The following ITPK1 variants were observed in gnomAD, a reference collection of about 807,000 sequenced individuals.
ITPK1 encodes the protein inositol-tetrakisphosphate 1-kinase.
ITPK1 carries 21 observed loss-of-function variants against 45.3 expected under a neutral mutation model. That is an observed-to-expected ratio of 0.46 (90% CI 0.33 to 0.67). The LOEUF is 0.67. Among genes scored for constraint, ITPK1 ranks in the 30% least tolerant of loss-of-function variants. The pLI is 0.02. For synonymous variants in ITPK1, 258 were observed against 253.6 expected (o/e 1.02, Z -0.16); for missense variants, 474 against 573.5 (o/e 0.83, Z 1.77).
chr14:93,099,231 C>A lies in ITPK1; in HGVS notation c.95+15838G>T, dbSNP rs571829879. On this transcript the variant is annotated intron_variant, in intron 2 of 10. Transcript: ENST00000267615. ...CTGGACAGGAGTGGCCCTCCCCAGA[C>A]CAACACTCCCCTCCAGCTCCGACAA... Among the ~76,000 whole-genome samples, 3 of 152,202 alleles carry A rather than the reference C, an allele frequency of 2.0e-5. No homozygotes were observed. In the East Asian group the frequency reaches 5.8e-4, roughly 29 times the overall value.
intron 3 of ITPK1, among the ~76,000 whole-genome samples, chr14:93,033,989 G>T (rs956909736): frequency 1.3e-5 from 2 of 152,130 alleles, no homozygotes; most frequent in African/African-American, 4.8e-5. Flanking sequence ...TCTGGTGAGG[G>T]GCAGGGGTGA....
At chr14:93,066,335 T>C in intron 3 of ITPK1, 1 of 448,050 alleles carries the variant, frequency 2.2e-6, no homozygotes, top group South Asian at 1.6e-5. Context: ...TGTGTGTGTG[T>C]GTGTGTAGGG....
At chr14:93,113,717 A>ATT (rs1892834398) in intron 2 of ITPK1, among the ~76,000 whole-genome samples, 1 of 152,172 alleles carries the variant, frequency 6.6e-6, no homozygotes, top group African/African-American at 2.4e-5. Context: ...TTCTTCATGA[A>ATT]TTGCTGGGGC....
chr14:93,035,470 C>G (rs1410225670), intron 3 of ITPK1, among the ~76,000 whole-genome samples: 1 of 152,204 alleles, frequency 6.6e-6, no homozygotes, highest in Non-Finnish European at 1.5e-5. Flanking sequence ...TGCACATGTA[C>G]ACCAGAGAGC....
intron 4 of ITPK1, among the ~76,000 whole-genome samples, chr14:92,996,822 G>C (rs1441924684): frequency 6.6e-6 from 1 of 152,136 alleles, no homozygotes; most frequent in Non-Finnish European, 1.5e-5. Flanking sequence ...ATGTGACCTA[G>C]AGTCAAGAAA....
intron 3 of ITPK1, among the ~76,000 whole-genome samples, chr14:93,051,762 A>C (rs1052394111): frequency 2.0e-5 from 3 of 152,166 alleles, no homozygotes; most frequent in African/African-American, 7.2e-5. Flanking sequence ...ACCGGAAACC[A>C]CCCTGTGCCT....
At position 92,940,156 on chromosome 14, in the gene ITPK1, G is replaced by A. The variant is rs1802919; in HGVS notation, c.*1405C>T. 2.0e-6 allele frequency: 2 copies of A among 985,716 alleles called. No individual in the cohort carries two copies. The highest frequency in any genetic ancestry group is 2.4e-6 in the Non-Finnish European group (2 of 830,070). 61.1% of individuals were successfully genotyped at this position (985,716 alleles called of 1,614,324 possible). A position where few individuals can be genotyped will look rare whatever the true frequency, so the allele number is the denominator to read the frequency against. ...GAAGGACCTCCATGCACTGGCTCGG[G>A]GGCCTCTCTCGGGACACTCAGCACT... On this transcript the variant is annotated 3_prime_UTR_variant, in exon 11 of 11. Coordinates refer to ENST00000267615, the MANE Select transcript of ITPK1 (RefSeq NM_014216.6).
chr14:93,115,455 G>A (rs1431043669), intron 1 of ITPK1, 150 bp from the exon 2 acceptor site: 2 of 149,018 alleles, frequency 1.3e-5, no homozygotes, highest in Non-Finnish European at 1.5e-5. Flanking sequence ...CGGCTCGCGA[G>A]CGCCGCGCCG....
intron 8 of ITPK1, among the ~76,000 whole-genome samples, chr14:92,953,366 G>A (rs1888050601): frequency 6.6e-6 from 1 of 152,236 alleles, no homozygotes; most frequent in African/African-American, 2.4e-5. Context: ...GTCCTGGGGA[G>A]GAGCCTGGGG....
At chr14:93,033,791 G>A (rs1004105301) in intron 3 of ITPK1, among the ~76,000 whole-genome samples, 12 of 152,212 alleles carry the variant, frequency 7.9e-5, no homozygotes, top group South Asian at 2.1e-4. Context: ...GTGAATGTGC[G>A]TGCCTGTGCA....
intron 3 of ITPK1, among the ~76,000 whole-genome samples, chr14:93,027,172 G>C (rs1447676474): frequency 6.6e-6 from 1 of 152,190 alleles, no homozygotes; most frequent in African/African-American, 2.4e-5. Flanking sequence ...ACAGGGGAGA[G>C]GACCAGGGGG....
intron 8 of ITPK1, among the ~76,000 whole-genome samples, chr14:92,955,077 T>C (rs116252821): frequency 0.023 from 3,546 of 152,282 alleles, 145 homozygotes; most frequent in African/African-American, 0.08. Context: ...GGGCACATGG[T>C]AGGTTTGATA....
chr14:92,962,444 C>T lies in ITPK1; in HGVS notation c.464-49G>A, dbSNP rs976207194. ...AGAGAGAAATTAGTGAGGCCGTTCA[C>T]CCACAAGGCAGGTACTTGGCACGTC... On this transcript the variant is annotated intron_variant, in intron 6 of 10. Coordinates refer to ENST00000267615, the MANE Select transcript of ITPK1 (RefSeq NM_014216.6). 6 of 1,293,102 alleles carry T rather than the reference C, an allele frequency of 4.6e-6. No homozygotes were observed. The African/African-American group carries it at 7.3e-5, about 16-fold the overall frequency. 80.1% of individuals were successfully genotyped at this position (1,293,102 alleles called of 1,614,324 possible). A position where few individuals can be genotyped will look rare whatever the true frequency, so the allele number is the denominator to read the frequency against.
At chr14:92,965,245 A>AT (rs1242452897) in intron 5 of ITPK1, among the ~76,000 whole-genome samples, 1 of 152,264 alleles carries the variant, frequency 6.6e-6, no homozygotes, top group Non-Finnish European at 1.5e-5. Flanking sequence ...GCAATACACC[A>AT]TATCAATAGA....
At position 93,016,382 on chromosome 14, in the gene ITPK1, C is replaced by T. The variant is rs540804953; in HGVS notation, c.246+294G>A. The stretch of plus-strand genomic sequence containing the variant: ...GGGTTGCACATGCCTGTGCTGAGGA[C>T]GTGGAGGCCACACTGGAACTCAGCG... On this transcript the variant is annotated intron_variant, in intron 4 of 10. Coordinates refer to ENST00000267615, the MANE Select transcript of ITPK1 (RefSeq NM_014216.6). This position sits in a 1 kb window ranked among gnomAD's most constrained non-coding sequence, Gnocchi z 5.0. 2.2e-4 allele frequency among the ~76,000 whole-genome samples: 33 copies of T among 152,230 alleles called. No homozygotes were observed. The highest frequency in any genetic ancestry group is 1.8e-3 in the Admixed American group (27 of 15,292).
At position 92,940,277 on chromosome 14, in the gene ITPK1, C is replaced by T. The variant is rs1308465227; in HGVS notation, c.*1284G>A. 1 of 987,986 alleles carries T rather than the reference C, an allele frequency of 1.0e-6. No homozygotes were observed. Among genetic ancestry groups the T allele is most frequent in the East Asian group, 1.1e-4 (1 of 8,834 alleles). The allele number at this position is 987,986 out of a possible 1,614,324, so 61.2% of individuals were successfully genotyped here. On this transcript the variant is annotated 3_prime_UTR_variant, in exon 11 of 11. Coordinates refer to ENST00000267615, the MANE Select transcript of ITPK1 (RefSeq NM_014216.6). ...TGCTATCTTAAGACACAAAAACATA[C>T]TTGTGGGGGCTGATGCCTCTCACCC...
At chr14:93,026,052 C>T (rs76882083) in intron 3 of ITPK1, among the ~76,000 whole-genome samples, 6,039 of 152,164 alleles carry the variant, frequency 0.04, 214 homozygotes, top group Admixed American at 0.088. Flanking sequence ...AGGAGGGTGG[C>T]TTAAGCACGG....
chr14:92,971,684 G>T (rs911218327), intron 5 of ITPK1, among the ~76,000 whole-genome samples: 2 of 152,200 alleles, frequency 1.3e-5, no homozygotes, highest in African/African-American at 4.8e-5. Flanking sequence ...GGCAGGGAAA[G>T]CCCAGGAAGC....
intron 3 of ITPK1, among the ~76,000 whole-genome samples, chr14:93,031,642 C>A (rs546162472): frequency 1.3e-5 from 2 of 152,258 alleles, no homozygotes; most frequent in East Asian, 3.9e-4. Context: ...ATAGACCCCC[C>A]TAAGGCCTCC....
Sources: allele counts gnomAD v4.1 joint callset (sites outside exome capture counted in the v4.1 genomes callset), GRCh38; gene constraint gnomAD v4.1.1; non-coding constraint Gnocchi (gnomAD v3.1); transcripts MANE v1.5; gene names NCBI Gene and HGNC (gene_info 2026-07-23, HGNC 2026-07-21).